The following CADM1 variants were observed in gnomAD, a reference collection of about 807,000 sequenced individuals.
CADM1 encodes the protein cell adhesion molecule 1.
In CADM1, 15 loss-of-function variants were observed where a neutral mutation model predicts 53.1. The observed-to-expected ratio is 0.28, with a 90% CI of 0.19 to 0.44. The LOEUF is 0.44. CADM1 is among the 20% of genes least tolerant of loss of function. CADM1 has a pLI of 1.00. For missense variants in CADM1, 434 were observed against 611.3 expected, an observed-to-expected ratio of 0.71 and a Z score of 3.06; for synonymous variants, 281 against 243.0, an observed-to-expected ratio of 1.16 and a Z score of -1.45.
intron 1 of CADM1, among the ~76,000 whole-genome samples, chr11:115,462,324 A>G (rs1948814041): frequency 6.6e-6 from 1 of 152,202 alleles, no homozygotes; most frequent in African/African-American, 2.4e-5. Context: ...GGAAGAGGCG[A>G]GAGTTAAACC....
intron 5 of CADM1, among the ~76,000 whole-genome samples, chr11:115,224,061 C>T (rs567162103): frequency 6.6e-6 from 1 of 150,452 alleles, no homozygotes; most frequent in South Asian, 2.1e-4. Context: ...AAGAATACAA[C>T]CTGGAAACAG....
intron 2 of CADM1, 47 bp downstream of exon 2, chr11:115,240,227 T>C (rs776312374): frequency 1.3e-6 from 2 of 1,590,248 alleles, no homozygotes; most frequent in Admixed American, 1.7e-5. Context: ...CAAGACAACA[T>C]GTAGGTAAAA....
intron 1 of CADM1, among the ~76,000 whole-genome samples, chr11:115,341,896 T>A (rs1945458412): frequency 6.6e-6 from 1 of 152,194 alleles, no homozygotes; most frequent in Non-Finnish European, 1.5e-5. Flanking sequence ...AATGCAAAAT[T>A]ACCAATACAA....
At chr11:115,384,705 T>C (rs1009672092) in intron 1 of CADM1, among the ~76,000 whole-genome samples, 1 of 152,192 alleles carries the variant, frequency 6.6e-6, no homozygotes, top group Admixed American at 6.6e-5. Context: ...TTCACACTTG[T>C]GATAAGGCAT....
At chr11:115,181,625 C>G (rs989165677) in intron 10 of CADM1, among the ~76,000 whole-genome samples, 1 of 152,252 alleles carries the variant, frequency 6.6e-6, no homozygotes, top group African/African-American at 2.4e-5. Flanking sequence ...TTCCCACCCC[C>G]ACTCCCACCT....
chr11:115,212,520 CAT>C (rs767162151), intron 7 of CADM1, among the ~76,000 whole-genome samples: 8 of 152,098 alleles, frequency 5.3e-5, no homozygotes, highest in African/African-American at 7.2e-5. Flanking sequence ...ATTAGGGAGA[CAT>C]GTGTATGTAG....
At chr11:115,232,694 T>C (rs530257869) in intron 3 of CADM1, among the ~76,000 whole-genome samples, 1 of 152,216 alleles carries the variant, frequency 6.6e-6, no homozygotes, top group South Asian at 2.1e-4. Flanking sequence ...ATGTTATCTT[T>C]TATGAAACTG....
chr11:115,176,374 C>A lies in CADM1; in HGVS notation c.*100G>T. On this transcript the variant is annotated 3_prime_UTR_variant, in exon 12 of 12. Transcript: ENST00000331581. Reference sequence around the variant, plus strand: ...CCAGTCTCACACCTTTCCACCCATTCATAAAAAAACACACGAATTTCTCGC... The same window carrying A: ...CCAGTCTCACACCTTTCCACCCATTAATAAAAAAACACACGAATTTCTCGC... The A allele has an allele frequency of 6.3e-7, 1 of 1,591,928 alleles. No homozygotes were observed. Among genetic ancestry groups the A allele is most frequent in the South Asian group, 1.1e-5 (1 of 90,050 alleles).
chr11:115,197,090 TG>T (rs1382790184), intron 9 of CADM1, among the ~76,000 whole-genome samples: 2 of 152,016 alleles, frequency 1.3e-5, no homozygotes, highest in African/African-American at 4.8e-5. Flanking sequence ...AGGAATGGGG[TG>T]GGGAAGGATA....
intron 1 of CADM1, among the ~76,000 whole-genome samples, chr11:115,382,292 C>T (rs1946598654): frequency 6.6e-6 from 1 of 151,708 alleles, no homozygotes; most frequent in South Asian, 2.1e-4. Flanking sequence ...AATAATAATA[C>T]TGTTAATATA....
intron 1 of CADM1, among the ~76,000 whole-genome samples, chr11:115,348,541 C>A (rs918331547): frequency 6.6e-6 from 1 of 152,092 alleles, no homozygotes; most frequent in Non-Finnish European, 1.5e-5. Context: ...TGAAGGCTTG[C>A]GGTAATAATT....
At chr11:115,331,485 T>C (rs1945126805) in intron 1 of CADM1, among the ~76,000 whole-genome samples, 3 of 152,164 alleles carry the variant, frequency 2.0e-5, no homozygotes, top group Admixed American at 2.0e-4. Flanking sequence ...GGTAAGCACA[T>C]TGTTCAGGTT....
chr11:115,355,038 C>T (rs1326508355), intron 1 of CADM1, among the ~76,000 whole-genome samples: 2 of 152,126 alleles, frequency 1.3e-5, no homozygotes, highest in African/African-American at 4.8e-5. Flanking sequence ...GCTTAATTTG[C>T]TAGAATGAGA....
intron 8 of CADM1, among the ~76,000 whole-genome samples, chr11:115,205,618 G>C (rs1449047406): frequency 6.6e-6 from 1 of 152,108 alleles, no homozygotes; most frequent in Non-Finnish European, 1.5e-5. Flanking sequence ...TGCAATTTAT[G>C]CTTCCACATG....
chr11:115,400,639 A>ATGTGTG (rs1194789992), intron 1 of CADM1, among the ~76,000 whole-genome samples: 5 of 73,348 alleles, frequency 6.8e-5, no homozygotes, highest in Admixed American at 5.0e-4. Flanking sequence ...TATCATATAT[A>ATGTGTG]TGTGTGTGTG....
At chr11:115,373,608 AGAAGAAG>A (rs1225544071) in intron 1 of CADM1, among the ~76,000 whole-genome samples, 6 of 101,630 alleles carry the variant, frequency 5.9e-5, no homozygotes, top group Non-Finnish European at 8.9e-5. Context: ...AAAAAAAAAA[AGAAGAAG>A]AAGAAGAAGA....
intron 1 of CADM1, among the ~76,000 whole-genome samples, chr11:115,324,475 G>A (rs749737232): frequency 6.7e-6 from 1 of 148,464 alleles, no homozygotes; most frequent in African/African-American, 2.5e-5. Context: ...AGCCCCAATC[G>A]GTAAGTCTGT....
chr11:115,366,110 G>A (rs1005469859), intron 1 of CADM1, among the ~76,000 whole-genome samples: 2 of 152,170 alleles, frequency 1.3e-5, no homozygotes, highest in African/African-American at 4.8e-5. Context: ...CGGGTCACAT[G>A]TTATCATCCA....
chr11:115,453,061 G>C (rs1220747493), intron 1 of CADM1, among the ~76,000 whole-genome samples: 1 of 152,124 alleles, frequency 6.6e-6, no homozygotes, highest in African/African-American at 2.4e-5. Flanking sequence ...AGGTGTGATA[G>C]AAACATTCTG....
Sources: allele counts gnomAD v4.1 joint callset (sites outside exome capture counted in the v4.1 genomes callset), GRCh38; gene constraint gnomAD v4.1.1; transcripts MANE v1.5; gene names NCBI Gene and HGNC (gene_info 2026-07-23, HGNC 2026-07-21).